The following CLRN1 variants were observed in gnomAD, a reference collection of about 807,000 sequenced individuals.
The protein encoded by CLRN1 is clarin 1.
CLRN1 carries 15 observed loss-of-function variants against 18.7 expected under a neutral mutation model. That is an observed-to-expected ratio of 0.80 (90% confidence interval 0.54 to 1.23). The LOEUF is 1.23. Among genes scored for constraint, CLRN1 ranks in the 50% most tolerant of loss-of-function variants. The pLI, the probability that CLRN1 is intolerant of heterozygous loss-of-function variation, is 0.00. For synonymous variants in CLRN1, 104 were observed against 102.9 expected (o/e 1.01, Z -0.07); for missense variants, 311 against 277.5 (o/e 1.12, Z -0.86).
intron 1 of CLRN1, among the ~76,000 whole-genome samples, chr3:150,958,543 C>G (rs1044892280): frequency 3.3e-5 from 5 of 152,246 alleles, no homozygotes; most frequent in African/African-American, 1.2e-4. Context: ...TTTCCCTCCT[C>G]CACACTCTCA....
At chr3:150,953,889 C>G (rs1480852848) in intron 1 of CLRN1, among the ~76,000 whole-genome samples, 1 of 152,092 alleles carries the variant, frequency 6.6e-6, no homozygotes, top group Non-Finnish European at 1.5e-5. Context: ...ATTATTTTAT[C>G]CTTAATGTAT....
At chr3:150,942,559 G>A (rs1170674695) in intron 1 of CLRN1, 1 of 452,086 alleles carries the variant, frequency 2.2e-6, no homozygotes, top group South Asian at 1.6e-5. Context: ...CCTACTATGT[G>A]CCAGGCATTA....
At chr3:150,972,755 T>C (rs768076939), upstream of CLRN1, 2 of 1,613,846 alleles carry the variant, frequency 1.2e-6, no homozygotes, top group Non-Finnish European at 1.7e-6. Flanking sequence ...ACAAGACCTT[T>C]GTGAGCAATG....
chr3:150,946,887 T>TCCCTCCC (rs1244958219), intron 1 of CLRN1, among the ~76,000 whole-genome samples: 66 of 122,830 alleles, frequency 5.4e-4, no homozygotes, highest in African/African-American at 2.0e-3. Flanking sequence ...CCCAATGCTA[T>TCCCTCCC]CCCTCCCCCC....
At chr3:150,949,967 T>C (rs895589385) in intron 1 of CLRN1, among the ~76,000 whole-genome samples, 1 of 152,076 alleles carries the variant, frequency 6.6e-6, no homozygotes, top group Admixed American at 6.5e-5. Context: ...AACAGGCACA[T>C]AGACCAAATG....
rs149430292 is a variant in CLRN1, at chr3:150,972,088, T to G, written c.253+368A>C. 3.3e-5 allele frequency among the ~76,000 whole-genome samples: 5 copies of G among 152,298 alleles called. No homozygotes were observed. The East Asian group carries it at 5.8e-4, about 18-fold the overall frequency. On this transcript the variant is annotated intron_variant, in intron 1 of 2. Transcript: ENST00000327047. ...TAAATACGGAGCCCATGACCTTGGTTCTTTTTATAAAGAACAAAAAGCATA... is the reference window on the plus strand; with the variant it reads ...TAAATACGGAGCCCATGACCTTGGTGCTTTTTATAAAGAACAAAAAGCATA...
At chr3:150,963,164 C>G (rs1425968779) in intron 1 of CLRN1, among the ~76,000 whole-genome samples, 9 of 152,076 alleles carry the variant, frequency 5.9e-5, no homozygotes, top group Admixed American at 5.9e-4. Context: ...TTTAGAAAAC[C>G]CTGTCGTCTC....
At chr3:150,965,930 G>A (rs1428192524) in intron 1 of CLRN1, among the ~76,000 whole-genome samples, 1 of 152,222 alleles carries the variant, frequency 6.6e-6, no homozygotes, top group East Asian at 1.9e-4. Context: ...GGATTAGGTA[G>A]GCAGAACCAG....
At chr3:150,968,085 C>T (rs1296000348) in intron 1 of CLRN1, among the ~76,000 whole-genome samples, 2 of 152,150 alleles carry the variant, frequency 1.3e-5, no homozygotes, top group Non-Finnish European at 2.9e-5. Flanking sequence ...TTATTTTTCA[C>T]ATTTTAAGAA....
At chr3:150,961,141 T>C (rs1715007792) in intron 1 of CLRN1, among the ~76,000 whole-genome samples, 1 of 152,210 alleles carries the variant, frequency 6.6e-6, no homozygotes, top group African/African-American at 2.4e-5. Context: ...ACCCCCCAAC[T>C]GTGTGGAAGA....
chr3:150,939,244 C>A (rs933535026), intron 2 of CLRN1, among the ~76,000 whole-genome samples: 2 of 152,176 alleles, frequency 1.3e-5, no homozygotes, highest in Non-Finnish European at 2.9e-5. Context: ...ACTTGTAGTT[C>A]TCCCTGGTGG....
intron 1 of CLRN1, among the ~76,000 whole-genome samples, chr3:150,970,089 G>A (rs998073036): frequency 2.4e-4 from 37 of 152,204 alleles, no homozygotes; most frequent in African/African-American, 7.7e-4. Flanking sequence ...TGTAAGTTGA[G>A]CTCTGGAAGA....
At chr3:150,931,366 A>T (rs1361961255) in intron 2 of CLRN1, among the ~76,000 whole-genome samples, 1 of 152,138 alleles carries the variant, frequency 6.6e-6, no homozygotes, top group African/African-American at 2.4e-5. Flanking sequence ...CCACATTTAG[A>T]GGGTTCTGCT....
In CLRN1 at chr3:150,935,835, T is replaced by A. The variant is rs1713449530; in HGVS notation, c.433+5747A>T. ...TTTCCTGACTTTTTAATGATTGCCA[T>A]TTGAACTGGTGTGAGATGGTATCTC... is the stretch of plus-strand genomic sequence containing the variant. On this transcript the variant is annotated intron_variant, in intron 2 of 2. Coordinates refer to ENST00000327047, the MANE Select transcript of CLRN1 (RefSeq NM_174878.3). Among the ~76,000 whole-genome samples the A allele has an allele frequency of 1.5e-5, 2 of 131,510 alleles. 1 individual carries two copies. Among genetic ancestry groups the A allele is most frequent in the Non-Finnish European group, 3.4e-5 (2 of 58,794 alleles). 86.3% of individuals were successfully genotyped at this position (131,510 alleles called of 152,430 possible).
At chr3:150,965,072 G>A (rs1206954999) in intron 1 of CLRN1, among the ~76,000 whole-genome samples, 1 of 152,080 alleles carries the variant, frequency 6.6e-6, no homozygotes, top group Admixed American at 6.6e-5. Flanking sequence ...AAAAAAGATA[G>A]TGAAATTGAA....
At chr3:150,959,431 C>T (rs1559990725) in intron 1 of CLRN1, among the ~76,000 whole-genome samples, 1 of 152,040 alleles carries the variant, frequency 6.6e-6, no homozygotes, top group Non-Finnish European at 1.5e-5. Flanking sequence ...GAGTTCAAGA[C>T]CAGCCTGGCC....
At chr3:150,966,312 T>TCAAAA (rs1715261421) in intron 1 of CLRN1, among the ~76,000 whole-genome samples, 1 of 152,208 alleles carries the variant, frequency 6.6e-6, no homozygotes, top group African/African-American at 2.4e-5. Context: ...AGACCCAGTC[T>TCAAAA]CAAAACAAAA....
At chr3:150,969,049 C>T (rs539070994) in intron 1 of CLRN1, among the ~76,000 whole-genome samples, 3 of 151,084 alleles carry the variant, frequency 2.0e-5, no homozygotes, top group African/African-American at 7.3e-5. Flanking sequence ...TGAAATGTGG[C>T]TAGACTGAAT....
intron 2 of CLRN1, 91 bp from the exon 3 acceptor site, chr3:150,928,292 T>G: frequency 4.1e-6 from 6 of 1,460,588 alleles, no homozygotes; most frequent in Non-Finnish European, 4.7e-6. Flanking sequence ...GGAATTCTCT[T>G]ACCATCATCC....
Sources: gnomAD v4.1 joint callset for allele counts (sites outside exome capture counted in the v4.1 genomes callset) on GRCh38, gnomAD v4.1.1 for gene constraint, MANE v1.5 for transcripts, NCBI Gene and HGNC (gene_info 2026-07-23, HGNC 2026-07-21) for gene names.